PARM1: variants seen among roughly 807,000 people sequenced by gnomAD.
PARM1 encodes the protein prostate androgen-regulated mucin-like protein 1, also known as WSC4, cell wall integrity and stress response component 4 homolog.
PARM1 carries 14 observed loss-of-function variants against 24.6 expected under a neutral mutation model. The observed-to-expected ratio is 0.57, with a 90% CI of 0.38 to 0.89. PARM1 has a LOEUF of 0.89. Ranked by LOEUF, PARM1 falls within the 40% of genes least tolerant of loss-of-function variation. PARM1 has a pLI of 0.00. For missense variants in PARM1, 362 were observed against 380.4 expected, an observed-to-expected ratio of 0.95 and a Z score of 0.40; for synonymous variants, 179 against 156.6, an observed-to-expected ratio of 1.14 and a Z score of -1.07.
At chr4:74,944,315 A>G (rs1385890197) in intron 1 of PARM1, among the ~76,000 whole-genome samples, 1 of 152,224 alleles carries the variant, frequency 6.6e-6, no homozygotes, top group African/African-American at 2.4e-5. Context: ...AACAAACCAA[A>G]GAAGAGGATG....
chr4:74,984,107 C>T (rs1722308278), intron 1 of PARM1, among the ~76,000 whole-genome samples: 1 of 152,174 alleles, frequency 6.6e-6, no homozygotes, highest in African/African-American at 2.4e-5. Flanking sequence ...CTGGACCATT[C>T]AGAGTTAACC....
chr4:75,018,319 A>G (rs368052125), intron 2 of PARM1, among the ~76,000 whole-genome samples: 3 of 152,320 alleles, frequency 2.0e-5, no homozygotes. Flanking sequence ...GCCTAAGACA[A>G]TTGGTTTACT....
In PARM1 at chr4:74,933,374, A is replaced by C. The variant is rs79974259; in HGVS notation, c.43+4A>C. Reference sequence around the variant, plus strand: ...GCTCTTTGCATCTTAACTGCAGGTAATTGGCGCCATCCTCCCGGAAGGGCA... The same window carrying C: ...GCTCTTTGCATCTTAACTGCAGGTACTTGGCGCCATCCTCCCGGAAGGGCA... On this transcript the variant is annotated splice_donor_region_variant and intron_variant, in intron 1 of 3. Coordinates refer to ENST00000307428, the MANE Select transcript of PARM1 (RefSeq NM_015393.4). 6.3e-4 allele frequency: 1,008 copies of C among 1,612,298 alleles called. 9 individuals are homozygous for C. The African/African-American group carries it at 0.012, about 19-fold the overall frequency.
intron 1 of PARM1, among the ~76,000 whole-genome samples, chr4:74,953,534 G>A (rs1190076232): frequency 6.6e-6 from 1 of 152,170 alleles, no homozygotes; most frequent in African/African-American, 2.4e-5. Context: ...CAACATCGGT[G>A]CCCAGGAGGC....
intron 1 of PARM1, among the ~76,000 whole-genome samples, chr4:75,002,898 A>G (rs1722706439): frequency 6.6e-6 from 1 of 152,336 alleles, no homozygotes; most frequent in Non-Finnish European, 1.5e-5. Context: ...CCCAGGATGG[A>G]GCGCAGGCTA....
chr4:74,945,860 T>C (rs1275134482), intron 1 of PARM1, among the ~76,000 whole-genome samples: 5 of 152,160 alleles, frequency 3.3e-5, no homozygotes, highest in Admixed American at 3.3e-4. Flanking sequence ...TAAAATGTGG[T>C]GTAGGTAAAT....
chr4:75,019,177 T>C (rs991717915), intron 2 of PARM1, among the ~76,000 whole-genome samples: 2 of 152,312 alleles, frequency 1.3e-5, no homozygotes, highest in Non-Finnish European at 2.9e-5. Flanking sequence ...TTTTGTTTTA[T>C]TAAATCAGAT....
intron 3 of PARM1, among the ~76,000 whole-genome samples, chr4:75,044,636 A>G (rs1723562600): frequency 6.6e-6 from 1 of 152,200 alleles, no homozygotes; most frequent in Admixed American, 6.5e-5. Context: ...GAGTACTATG[A>G]GAAATATTAA....
intron 2 of PARM1, among the ~76,000 whole-genome samples, chr4:75,031,210 C>T (rs914324885): frequency 4.6e-5 from 7 of 152,312 alleles, no homozygotes; most frequent in Non-Finnish European, 8.8e-5. Flanking sequence ...CCATGGCTGG[C>T]ATCCACTGAG....
chr4:74,996,360 G>A (rs1300250692), intron 1 of PARM1, among the ~76,000 whole-genome samples: 1 of 152,144 alleles, frequency 6.6e-6, no homozygotes, highest in Non-Finnish European at 1.5e-5. Flanking sequence ...TTAAATTGAA[G>A]AATAAATGAG....
intron 1 of PARM1, among the ~76,000 whole-genome samples, chr4:74,982,773 T>G (rs1205846042): frequency 6.6e-6 from 1 of 152,188 alleles, no homozygotes; most frequent in Non-Finnish European, 1.5e-5. Flanking sequence ...TAAAGCAATC[T>G]CCCTAGTGAT....
intron 2 of PARM1, among the ~76,000 whole-genome samples, chr4:75,016,126 CT>C (rs1391687030): frequency 1.3e-5 from 2 of 152,032 alleles, no homozygotes; most frequent in Non-Finnish European, 2.9e-5. Flanking sequence ...GACTATAGAC[CT>C]TAAGAAAGGG....
chr4:74,955,565 A>G (rs1011807212), intron 1 of PARM1, among the ~76,000 whole-genome samples: 3 of 152,232 alleles, frequency 2.0e-5, no homozygotes, highest in African/African-American at 7.2e-5. Context: ...TCTAACATTC[A>G]TTCTGTGATT....
chr4:75,032,918 T>C (rs1350904898), intron 2 of PARM1, among the ~76,000 whole-genome samples: 2 of 152,134 alleles, frequency 1.3e-5, no homozygotes, highest in Non-Finnish European at 2.9e-5. Flanking sequence ...TCACTTTAAG[T>C]ATTAGGGGAC....
chr4:75,012,759 C>T lies in PARM1; in HGVS notation c.378C>T (p.Ser126=). The change falls in exon 2 of 4, where the codon AGC becomes AGT. Residue 126 remains serine, a synonymous_variant. Coordinates refer to ENST00000307428, the MANE Select transcript of PARM1 (RefSeq NM_015393.4). Reference sequence around the variant, plus strand: ...TAACAACCACGTTGGAGGAACACAGCTCGGGCACTCCTGAAGCAGGCGTGG... The same window carrying T: ...TAACAACCACGTTGGAGGAACACAGTTCGGGCACTCCTGAAGCAGGCGTGG... ...VHLTTTLEEH[S]SGTPEAGVAA... 6.2e-7 allele frequency: 1 copy of T among 1,614,010 alleles called. No individual in the cohort carries two copies. The highest frequency in any genetic ancestry group is 2.2e-5 in the East Asian group (1 of 44,878).
chr4:75,027,219 C>T (rs966665651), intron 2 of PARM1, among the ~76,000 whole-genome samples: 5 of 152,112 alleles, frequency 3.3e-5, no homozygotes, highest in Admixed American at 6.6e-5. Context: ...GAATGGTTCC[C>T]GGGGCCTGAC....
chr4:75,007,357 C>T (rs1722791637), intron 1 of PARM1, among the ~76,000 whole-genome samples: 1 of 152,160 alleles, frequency 6.6e-6, no homozygotes, highest in African/African-American at 2.4e-5. Context: ...GTAGTGGTTG[C>T]TAAAGTAAGT....
chr4:74,989,763 T>G (rs1386694636), intron 1 of PARM1, among the ~76,000 whole-genome samples: 1 of 152,098 alleles, frequency 6.6e-6, no homozygotes, highest in African/African-American at 2.4e-5. Flanking sequence ...TATCTAGAGT[T>G]GCCAGCCACC....
intron 1 of PARM1, among the ~76,000 whole-genome samples, chr4:74,984,267 T>C (rs1722310442): frequency 1.3e-5 from 2 of 152,242 alleles, no homozygotes; most frequent in African/African-American, 4.8e-5. Flanking sequence ...TGTTCTATTA[T>C]ACACCAAACC....
Sources: allele counts gnomAD v4.1 joint callset (sites outside exome capture counted in the v4.1 genomes callset), GRCh38; gene constraint gnomAD v4.1.1; transcripts MANE v1.5; gene names NCBI Gene and HGNC (gene_info 2026-07-23, HGNC 2026-07-21).